PPP3CB: variants seen among roughly 807,000 people sequenced by gnomAD.
PPP3CB encodes protein phosphatase 3 catalytic subunit beta.
Under a neutral mutation model 66.4 loss-of-function variants are expected in PPP3CB, and 8 were observed. That is an observed-to-expected ratio of 0.12 (90% CI 0.07 to 0.22). The LOEUF is 0.22. Ranked by LOEUF, PPP3CB falls within the 10% of genes least tolerant of loss-of-function variation. The probability of loss-of-function intolerance (pLI) is 1.00; values close to 1 mark genes in which losing one functional copy is unlikely to be tolerated. For missense variants in PPP3CB, 319 were observed against 642.5 expected, an observed-to-expected ratio of 0.50 and a Z score of 5.44; for synonymous variants, 208 against 221.2, an observed-to-expected ratio of 0.94 and a Z score of 0.53.
intron 10 of PPP3CB, among the ~76,000 whole-genome samples, 161 bp downstream of exon 10, chr10:73,454,251 T>C (rs2056389541): frequency 6.6e-6 from 1 of 152,156 alleles, no homozygotes; most frequent in African/African-American, 2.4e-5. Flanking sequence ...CTGAAATTAT[T>C]TTCAAATCTT....
At chr10:73,477,311 G>C in intron 3 of PPP3CB, 1 of 495,388 alleles carries the variant, frequency 2.0e-6, no homozygotes, top group South Asian at 1.5e-5. Context: ...AATCAGGCAA[G>C]TATGTAAAGA....
chr10:73,475,396 G>A (rs903960391), intron 3 of PPP3CB, among the ~76,000 whole-genome samples: 1 of 152,188 alleles, frequency 6.6e-6, no homozygotes, highest in African/African-American at 2.4e-5. Flanking sequence ...CATTTATTAA[G>A]TACTTACAAT....
At chr10:73,492,267 C>A (rs2057091799) in intron 1 of PPP3CB, among the ~76,000 whole-genome samples, 1 of 151,990 alleles carries the variant, frequency 6.6e-6, no homozygotes, top group South Asian at 2.1e-4. Context: ...GAACATATGC[C>A]CAATACTGAC....
In PPP3CB at chr10:73,438,137, CAG is replaced by C. The variant is rs2056094694; in HGVS notation, c.*103_*104del. 2 of 1,170,148 alleles carry C rather than the reference CAG, an allele frequency of 1.7e-6. No individual in the cohort carries two copies. The highest frequency in any genetic ancestry group is 2.4e-6 in the Non-Finnish European group (2 of 831,460). The allele number at this position is 1,170,148 out of a possible 1,614,324, so 72.5% of individuals were successfully genotyped here. A position where few individuals can be genotyped will look rare whatever the true frequency, so the allele number is the denominator to read the frequency against. ...GGTCTCAGAAGCACAATGGTTTCTT[CAG>C]AGAGACTGTGAAATTTACAGTCAGC... is the stretch of plus-strand genomic sequence containing the variant. On this transcript the variant is annotated 3_prime_UTR_variant, in exon 14 of 14. Transcript: ENST00000360663.
chr10:73,464,631 A>G (rs757385018), intron 9 of PPP3CB, among the ~76,000 whole-genome samples: 4 of 152,218 alleles, frequency 2.6e-5, no homozygotes, highest in Non-Finnish European at 5.9e-5. Context: ...AAGGGATTCT[A>G]TATTAAGAAA....
At chr10:73,443,323 A>AGAAAG (rs2056191583) in intron 12 of PPP3CB, among the ~76,000 whole-genome samples, 1 of 148,012 alleles carries the variant, frequency 6.8e-6, no homozygotes, top group Non-Finnish European at 1.5e-5. Context: ...AAAGAAAGAA[A>AGAAAG]GAAAGAAAAA....
At chr10:73,454,390 A>AG in intron 10 of PPP3CB, 22 bp downstream of exon 10, 1 of 1,568,654 alleles carries the variant, frequency 6.4e-7, no homozygotes, top group Non-Finnish European at 8.7e-7. Flanking sequence ...AAAAAAAAAA[A>AG]TAGTAAGATG....
chr10:73,446,104 CTT>C (rs1431302457), intron 11 of PPP3CB, among the ~76,000 whole-genome samples: 2 of 148,270 alleles, frequency 1.3e-5, no homozygotes, highest in Non-Finnish European at 3.0e-5. Context: ...TGCTTTTTTT[CTT>C]TCTTTTTTTT....
At chr10:73,457,575 T>G (rs920228926) in intron 9 of PPP3CB, among the ~76,000 whole-genome samples, 15 of 151,688 alleles carry the variant, frequency 9.9e-5, no homozygotes, top group Non-Finnish European at 2.2e-4. Flanking sequence ...CTGTCTCTAC[T>G]AAAAATACAA....
At chr10:73,485,948 G>GTT (rs1491021824) in intron 1 of PPP3CB, among the ~76,000 whole-genome samples, 18 of 122,358 alleles carry the variant, frequency 1.5e-4, no homozygotes, top group Admixed American at 5.7e-4. Flanking sequence ...GTGTGTGTGT[G>GTT]TGTATTTTTT....
intron 8 of PPP3CB, 112 bp from the exon 9 acceptor site, chr10:73,467,790 G>A: frequency 3.0e-6 from 3 of 1,011,696 alleles, no homozygotes; most frequent in Non-Finnish European, 2.8e-6. Flanking sequence ...AGGGAGATCG[G>A]GGGTGAGTGG....
At chr10:73,482,829 G>T (rs534108192) in intron 1 of PPP3CB, among the ~76,000 whole-genome samples, 4 of 152,168 alleles carry the variant, frequency 2.6e-5, no homozygotes, top group African/African-American at 9.6e-5. Context: ...TGTTGGCCAG[G>T]CTGGTCTCAA....
At chr10:73,445,739 C>A (rs1477156327) in intron 11 of PPP3CB, among the ~76,000 whole-genome samples, 1 of 142,838 alleles carries the variant, frequency 7.0e-6, no homozygotes, top group Non-Finnish European at 1.5e-5. Context: ...AGCCTAAGGG[C>A]CTAAGTACCC....
chr10:73,477,323 G>A (rs2132960907), intron 3 of PPP3CB: 1 of 482,838 alleles, frequency 2.1e-6, no homozygotes, highest in Admixed American at 2.5e-5. Context: ...ATGTAAAGAT[G>A]TATGAATAAT....
chr10:73,460,265 C>CAAAAAAAAAAAAAAAAAAAAAAAGA (rs2056500316), intron 9 of PPP3CB, among the ~76,000 whole-genome samples: 1 of 35,804 alleles, frequency 2.8e-5, no homozygotes, highest in Non-Finnish European at 5.9e-5. Flanking sequence ...AAAGTAATAG[C>CAAAAAAAAAAAAAAAAAAAAAAAGA]AAAAAAAAAA....
Position 73,454,499 on chromosome 10 carries a change from A to G in PPP3CB, c.1109-10T>C, listed in dbSNP as rs758968938. The G allele has an allele frequency of 7.5e-6, 12 of 1,593,236 alleles. No individual in the cohort carries two copies. The highest frequency in any genetic ancestry group is 1.7e-4 in the Middle Eastern group (1 of 6,028). On this transcript the variant is annotated splice_polypyrimidine_tract_variant and intron_variant, in intron 9 of 13. Coordinates refer to ENST00000360663, the MANE Select transcript of PPP3CB (RefSeq NM_021132.4). Reference sequence around the variant, plus strand: ...ACCAACATTTCTGTCACTATTTGGGAAAAAAAAGTTACATGTTAGCTGACC... The same window carrying G: ...ACCAACATTTCTGTCACTATTTGGGGAAAAAAAGTTACATGTTAGCTGACC...
At chr10:73,473,142 A>T (rs1020368947) in intron 4 of PPP3CB, among the ~76,000 whole-genome samples, 3 of 152,174 alleles carry the variant, frequency 2.0e-5, no homozygotes, top group Admixed American at 6.6e-5. Flanking sequence ...TGCACTTTCC[A>T]GGTCTTATCT....
intron 4 of PPP3CB, 73 bp from the exon 5 acceptor site, chr10:73,471,686 A>C (rs2056704052): frequency 1.7e-6 from 2 of 1,202,226 alleles, no homozygotes; most frequent in Non-Finnish European, 2.3e-6. Flanking sequence ...CATATATATT[A>C]GATTTTTATT....
chr10:73,452,528 T>G (rs922486940), intron 10 of PPP3CB, among the ~76,000 whole-genome samples: 1 of 152,042 alleles, frequency 6.6e-6, no homozygotes, highest in Non-Finnish European at 1.5e-5. Flanking sequence ...AAACCCCATC[T>G]CTACTAAAAA....
Sources: gnomAD v4.1 joint callset for allele counts (sites outside exome capture counted in the v4.1 genomes callset) on GRCh38, gnomAD v4.1.1 for gene constraint, MANE v1.5 for transcripts, NCBI Gene and HGNC (gene_info 2026-07-23, HGNC 2026-07-21) for gene names.